Variants in OBI1 observed in about 807,000 individuals in gnomAD.
OBI1 encodes the protein ring finger protein 219.
OBI1 carries 59 observed loss-of-function variants against 62.4 expected under a neutral mutation model. That is an observed-to-expected ratio of 0.95 (90% CI 0.77 to 1.17). OBI1 has a LOEUF of 1.17. Among genes scored for constraint, OBI1 ranks in the 50% most tolerant of loss-of-function variants. The pLI is 0.00. For missense variants in OBI1, 875 were observed against 830.9 expected (o/e 1.05, Z -0.65); for synonymous variants, 302 against 292.8 (o/e 1.03, Z -0.32).
chr13:78,623,707 G>C (rs926686403), intron 5 of OBI1, among the ~76,000 whole-genome samples: 1 of 152,122 alleles, frequency 6.6e-6, no homozygotes, highest in South Asian at 2.1e-4. Context: ...TGTGTATACA[G>C]AGTCAATGAA....
At chr13:78,653,362 AC>A (rs1876601241) in intron 1 of OBI1, among the ~76,000 whole-genome samples, 1 of 152,034 alleles carries the variant, frequency 6.6e-6, no homozygotes, top group South Asian at 2.1e-4. Flanking sequence ...GACAAAATCT[AC>A]CTCCACCTAG....
At chr13:78,643,139 T>A (rs1031180987) in intron 2 of OBI1, among the ~76,000 whole-genome samples, 2 of 152,184 alleles carry the variant, frequency 1.3e-5, no homozygotes, top group African/African-American at 2.4e-5. Context: ...GGATGTTCTA[T>A]CCAAATGCAA....
chr13:78,628,352 C>T (rs76096133), intron 5 of OBI1, among the ~76,000 whole-genome samples: 5,259 of 152,270 alleles, frequency 0.035, 144 homozygotes, highest in Middle Eastern at 0.068. Context: ...TACTGTTTTA[C>T]CCAACCATGA....
In OBI1 at chr13:78,616,990, T is replaced by C. The variant is rs148071446; in HGVS notation, c.771A>G (p.Leu257=). ...CTTCTTTCTCTTCACTTGAATTTTT[T>C]AGCTGTGCAACTTGAGATTCTAGTT... The part of the protein sequence containing the change: ...IEELESQVAQ[L]KNSSEEKEAM... The change falls in exon 6 of 6, where the codon CTA becomes CTG. Residue 257 remains leucine (L), a synonymous_variant. Transcript: ENST00000282003. 89 of 1,614,108 alleles carry C rather than the reference T, an allele frequency of 5.5e-5. No homozygotes were observed. Among genetic ancestry groups the C allele is most frequent in the Non-Finnish European group, 7.2e-5 (85 of 1,180,042 alleles).
intron 2 of OBI1, among the ~76,000 whole-genome samples, chr13:78,643,320 A>G (rs1163578100): frequency 6.6e-6 from 1 of 152,184 alleles, no homozygotes; most frequent in East Asian, 1.9e-4. Context: ...GCAGGTAAAA[A>G]AAAACAGATA....
At chr13:78,637,732 C>T (rs1045521186) in intron 4 of OBI1, among the ~76,000 whole-genome samples, 27 of 152,310 alleles carry the variant, frequency 1.8e-4, no homozygotes, top group African/African-American at 6.5e-4. Context: ...CTTCTCCCTC[C>T]TACACACTTA....
intron 3 of OBI1, among the ~76,000 whole-genome samples, chr13:78,640,535 G>A (rs887960317): frequency 2.0e-5 from 3 of 152,010 alleles, no homozygotes; most frequent in African/African-American, 4.8e-5. Flanking sequence ...CAAGATGATC[G>A]TGCCTGTAAT....
intron 4 of OBI1, among the ~76,000 whole-genome samples, chr13:78,637,170 T>C (rs1024041605): frequency 1.9e-4 from 29 of 152,240 alleles, no homozygotes; most frequent in Non-Finnish European, 4.0e-4. Context: ...AAAAGTCCAC[T>C]TCATTCATGC....
intron 3 of OBI1, among the ~76,000 whole-genome samples, chr13:78,639,964 C>A (rs1035417982): frequency 6.6e-6 from 1 of 151,128 alleles, no homozygotes; most frequent in East Asian, 1.9e-4. Flanking sequence ...GCACAATGTG[C>A]ACATGTACCC....
chr13:78,639,930 C>T (rs1378892534), intron 3 of OBI1, among the ~76,000 whole-genome samples: 1 of 149,866 alleles, frequency 6.7e-6, no homozygotes, highest in Non-Finnish European at 1.5e-5. Flanking sequence ...CAGCATGGCA[C>T]ATGTATACAT....
chr13:78,624,690 T>A (rs1190524172), intron 5 of OBI1, among the ~76,000 whole-genome samples: 1 of 152,204 alleles, frequency 6.6e-6, no homozygotes, highest in Admixed American at 6.5e-5. Context: ...ATATGTGAAC[T>A]GAAGAGGAAC....
At chr13:78,617,226 G>T in intron 5 of OBI1, 104 bp from the exon 6 acceptor site, 1 of 837,082 alleles carries the variant, frequency 1.2e-6, no homozygotes, top group Non-Finnish European at 1.8e-6. Flanking sequence ...ACCTAACAGT[G>T]ACATTTCAGA....
intron 5 of OBI1, among the ~76,000 whole-genome samples, chr13:78,621,837 C>CTTCCA (rs1875521880): frequency 6.6e-6 from 1 of 152,052 alleles, no homozygotes; most frequent in Non-Finnish European, 1.5e-5. Flanking sequence ...TGAGAGCAAA[C>CTTCCA]GATAAAATGC....
chr13:78,658,102 C>G (rs1030978155), intron 1 of OBI1, among the ~76,000 whole-genome samples: 1 of 152,202 alleles, frequency 6.6e-6, no homozygotes, highest in African/African-American at 2.4e-5. Context: ...TTGGCCGGCA[C>G]TCAAATGCTT....
chr13:78,645,369 A>G (rs1239563513), intron 1 of OBI1, among the ~76,000 whole-genome samples: 1 of 152,212 alleles, frequency 6.6e-6, no homozygotes, highest in Non-Finnish European at 1.5e-5. Context: ...TGAAAATATC[A>G]TTTAGCACAA....
chr13:78,626,908 T>C (rs997380714), intron 5 of OBI1, among the ~76,000 whole-genome samples: 2 of 151,914 alleles, frequency 1.3e-5, no homozygotes, highest in African/African-American at 4.8e-5. Flanking sequence ...CTACTAAAAA[T>C]ACAAAAAATT....
chr13:78,635,369 A>C (rs1315085720), intron 4 of OBI1, among the ~76,000 whole-genome samples, 171 bp from the exon 5 acceptor site: 1 of 152,238 alleles, frequency 6.6e-6, no homozygotes, highest in Non-Finnish European at 1.5e-5. Flanking sequence ...CAGAAACTGA[A>C]TACTACTGAG....
intron 4 of OBI1, among the ~76,000 whole-genome samples, chr13:78,635,809 C>G (rs1876011923): frequency 6.6e-6 from 1 of 152,180 alleles, no homozygotes; most frequent in African/African-American, 2.4e-5. Context: ...GTTGCCCAGG[C>G]TGGAGTGTAG....
chr13:78,628,245 T>A (rs1875737455), intron 5 of OBI1, among the ~76,000 whole-genome samples: 1 of 152,258 alleles, frequency 6.6e-6, no homozygotes, highest in Non-Finnish European at 1.5e-5. Flanking sequence ...AAAGGTTAAA[T>A]ATCTTTGTCT....
Sources: gnomAD v4.1 joint callset for allele counts (sites outside exome capture counted in the v4.1 genomes callset) on GRCh38, gnomAD v4.1.1 for gene constraint, MANE v1.5 for transcripts, NCBI Gene and HGNC (gene_info 2026-07-23, HGNC 2026-07-21) for gene names.